The following TNS1 variants were observed in gnomAD, a reference collection of about 807,000 sequenced individuals.
TNS1 encodes tensin 1, also known as tensin-1.
Under a neutral mutation model 168.6 loss-of-function variants are expected in TNS1, and 62 were observed. The ratio of observed to expected loss-of-function variants is 0.37; its 90% CI spans 0.30 to 0.45. The LOEUF is 0.45. Ranked by LOEUF, TNS1 falls within the 20% of genes least tolerant of loss-of-function variation. TNS1 has a pLI of 1.00. For synonymous variants in TNS1, 934 were observed against 933.2 expected (o/e 1.00, Z -0.02); for missense variants, 2,240 against 2,339.4 (o/e 0.96, Z 0.88).
At chr2:218,031,956 A>G (rs1559415905) in intron 1 of TNS1, among the ~76,000 whole-genome samples, 1 of 152,132 alleles carries the variant, frequency 6.6e-6, no homozygotes, top group Non-Finnish European at 1.5e-5. Context: ...ACAAGCACCC[A>G]CTTGTCCTGG....
At chr2:218,024,145 G>A (rs1958832912) in intron 1 of TNS1, among the ~76,000 whole-genome samples, 1 of 152,074 alleles carries the variant, frequency 6.6e-6, no homozygotes, top group African/African-American at 2.4e-5. Flanking sequence ...GTTTGCCCAG[G>A]GCACCCCACT....
upstream of TNS1, among the ~76,000 whole-genome samples, chr2:218,007,474 CA>C (rs143970588): frequency 6.2e-3 from 932 of 150,352 alleles, 8 homozygotes; most frequent in African/African-American, 0.022. Context: ...GCAATACGGC[CA>C]CCCCAGGACT....
intron 23 of TNS1, among the ~76,000 whole-genome samples, chr2:217,819,919 C>G (rs1228280401): frequency 6.6e-6 from 1 of 152,138 alleles, no homozygotes; most frequent in Non-Finnish European, 1.5e-5. Flanking sequence ...CTGGCCCTCC[C>G]TGGGCCAGGC....
Position 217,978,679 on chromosome 2 carries a change from C to T in TNS1, c.186+86G>A, listed in dbSNP as rs953779974. On this transcript the variant is annotated intron_variant, in intron 3 of 32. Transcript: ENST00000682258. ...AGGGACGCCCCGGGCACCGCCCCCG[C>T]CCCGCCGGCGCCCCCGCTCCAATCT... 43 of 670,312 alleles carry T rather than the reference C, an allele frequency of 6.4e-5. No homozygotes were observed. The African/African-American group carries it at 6.5e-4, about 10-fold the overall frequency. The allele number at this position is 670,312 out of a possible 1,614,324, so 41.5% of individuals were successfully genotyped here.
intron 3 of TNS1, among the ~76,000 whole-genome samples, chr2:217,972,433 A>T (rs372419396): frequency 6.6e-6 from 1 of 152,254 alleles, no homozygotes; most frequent in Non-Finnish European, 1.5e-5. Flanking sequence ...CAAGACTAGC[A>T]GGAAAGGTAA....
chr2:217,961,256 C>G (rs370470777), intron 3 of TNS1, among the ~76,000 whole-genome samples: 10,728 of 138,958 alleles, frequency 0.077, 709 homozygotes, highest in African/African-American at 0.19. Context: ...CACACACACA[C>G]ACACAGAGAG....
At chr2:217,942,035 G>A (rs1173972265) in intron 3 of TNS1, among the ~76,000 whole-genome samples, 3 of 152,036 alleles carry the variant, frequency 2.0e-5, no homozygotes, top group South Asian at 2.1e-4. Context: ...ACCCAGCCCC[G>A]CTCCACCTGG....
chr2:217,856,797 A>G (rs1257013363), intron 18 of TNS1, among the ~76,000 whole-genome samples: 1 of 152,208 alleles, frequency 6.6e-6, no homozygotes, highest in Non-Finnish European at 1.5e-5. Context: ...AGTGACAAAT[A>G]GACACCTGTT....
chr2:217,912,780 G>A (rs1954575659), intron 4 of TNS1, among the ~76,000 whole-genome samples: 2 of 152,208 alleles, frequency 1.3e-5, no homozygotes, highest in East Asian at 1.9e-4. Flanking sequence ...ACAGACCTAT[G>A]AGAGCCCTCT....
intron 2 of TNS1, among the ~76,000 whole-genome samples, chr2:217,982,395 C>T (rs1311945128): frequency 6.8e-6 from 1 of 147,364 alleles, no homozygotes. Flanking sequence ...TTCTTTTCTT[C>T]TTTTCTTTTT....
intron 3 of TNS1, among the ~76,000 whole-genome samples, chr2:217,961,685 C>T (rs534579062): frequency 3.3e-5 from 5 of 152,282 alleles, no homozygotes; most frequent in African/African-American, 9.6e-5. Context: ...CAAATCAGCC[C>T]GGTGGGACCC....
At chr2:218,006,685 C>T (rs1378367699), upstream of TNS1, among the ~76,000 whole-genome samples, 4 of 152,210 alleles carry the variant, frequency 2.6e-5, no homozygotes, top group South Asian at 2.1e-4. Flanking sequence ...ATGCCCACTC[C>T]TTGGTTCCCC....
At chr2:217,926,737 C>T (rs1956047696) in intron 3 of TNS1, among the ~76,000 whole-genome samples, 2 of 152,222 alleles carry the variant, frequency 1.3e-5, no homozygotes, top group Non-Finnish European at 2.9e-5. Flanking sequence ...CGCTTCACTC[C>T]TCACAACCAC....
At position 218,033,786 on chromosome 2, in the gene TNS1, G is replaced by T. The variant is rs1221107220; in HGVS notation, c.156+34C>A. Among the ~76,000 whole-genome samples, 1 of 152,164 alleles carries T rather than the reference G, an allele frequency of 6.6e-6. No individual in the cohort carries two copies. Among genetic ancestry groups the T allele is most frequent in the Non-Finnish European group, 1.5e-5 (1 of 68,024 alleles). ...TGCCAACCGCCAGCTCCCGACTCGG[G>T]GCGTCGTCCCTCACCCATTCCCGCA... is the stretch of plus-strand genomic sequence containing the variant. On this transcript the variant is annotated intron_variant, in intron 1 of 1. Transcript: ENST00000649572. The surrounding 1 kb of genome is among the most constrained non-coding windows in gnomAD (Gnocchi z 4.3).
chr2:217,836,528 G>A (rs1465226926), intron 19 of TNS1, among the ~76,000 whole-genome samples: 1 of 152,198 alleles, frequency 6.6e-6, no homozygotes, highest in Admixed American at 6.5e-5. Context: ...TGGAGGCGGA[G>A]GGCCAGAGCT....
At chr2:217,925,480 A>G (rs147443259) in intron 3 of TNS1, among the ~76,000 whole-genome samples, 1,824 of 152,090 alleles carry the variant, frequency 0.012, 44 homozygotes, top group African/African-American at 0.041. Context: ...GGGGCTCACC[A>G]CACACACTCA....
At chr2:217,863,234 C>T (rs925957198) in intron 18 of TNS1, among the ~76,000 whole-genome samples, 8 of 151,996 alleles carry the variant, frequency 5.3e-5, no homozygotes, top group African/African-American at 1.9e-4. Flanking sequence ...TGAAAGACTA[C>T]TTCACACCCT....
intron 30 of TNS1, 127 bp downstream of exon 30, chr2:217,809,696 T>C (rs901380198): frequency 3.0e-6 from 3 of 989,004 alleles, no homozygotes; most frequent in Admixed American, 2.3e-5. Context: ...GCAAGATAGA[T>C]GGATGAGAAG....
chr2:217,841,188 G>A (rs1029705297), intron 19 of TNS1: 2 of 979,558 alleles, frequency 2.0e-6, no homozygotes, highest in African/African-American at 3.5e-5. Flanking sequence ...GGGGGAAGGA[G>A]AGCCACCCAC....
Sources: allele counts gnomAD v4.1 joint callset (sites outside exome capture counted in the v4.1 genomes callset), GRCh38; gene constraint gnomAD v4.1.1; non-coding constraint Gnocchi (gnomAD v3.1); transcripts MANE v1.5; gene names NCBI Gene and HGNC (gene_info 2026-07-23, HGNC 2026-07-21).